AZIN2: variants seen among roughly 807,000 people sequenced by gnomAD.
AZIN2 encodes the protein antizyme inhibitor 2.
A neutral mutation model predicts 47.8 loss-of-function variants in AZIN2; 28 were observed. That is an observed-to-expected ratio of 0.59 (90% confidence interval 0.43 to 0.80). AZIN2 has a LOEUF of 0.80. AZIN2 is among the 30% of genes least tolerant of loss of function. The pLI is 0.00. For missense variants in AZIN2, 535 were observed against 582.5 expected, an observed-to-expected ratio of 0.92 and a Z score of 0.84; for synonymous variants, 221 against 239.4, an observed-to-expected ratio of 0.92 and a Z score of 0.71.
chr1:33,103,395 G>A (rs748493462), intron 10 of AZIN2, among the ~76,000 whole-genome samples: 4 of 151,824 alleles, frequency 2.6e-5, no homozygotes, highest in Non-Finnish European at 5.9e-5. Context: ...CTGCTCTCAG[G>A]GCCTTTGCAT....
chr1:33,116,749 G>C (rs183876409), intron 10 of AZIN2, among the ~76,000 whole-genome samples: 141 of 152,306 alleles, frequency 9.3e-4, no homozygotes, highest in African/African-American at 3.1e-3. Context: ...TTTAGGAAAG[G>C]CTTCCCTGAA....
rs1396089151 is a variant in AZIN2, at chr1:33,113,005, G to A, written c.1030-4897G>A. Among the ~76,000 whole-genome samples, 3 of 151,962 alleles carry A rather than the reference G, an allele frequency of 2.0e-5. No individual in the cohort carries two copies. Among genetic ancestry groups the A allele is most frequent in the South Asian group, 4.1e-4 (2 of 4,820 alleles). On this transcript the variant is annotated intron_variant, in intron 10 of 11. Transcript: ENST00000294517. This position sits in a 1 kb window ranked among gnomAD's most constrained non-coding sequence, Gnocchi z 4.1. The stretch of plus-strand genomic sequence containing the variant: ...TTTATTTTTTTTGAGACGGCGTCTC[G>A]CTCTGTTGCCCAGGCTGGAGTGCAG...
intron 6 of AZIN2, among the ~76,000 whole-genome samples, chr1:33,092,719 A>C (rs7355131): frequency 0.027 from 4,035 of 152,106 alleles, 189 homozygotes; most frequent in African/African-American, 0.092. Context: ...AGTGTGGCTG[A>C]CGCATGCTAT....
Position 33,104,848 on chromosome 1 carries a change from G to A in AZIN2, c.1029+6669G>A, listed in dbSNP as rs145323068. 1.9e-3 allele frequency among the ~76,000 whole-genome samples: 295 copies of A among 152,252 alleles called. 1 individual carries two copies. The highest frequency in any genetic ancestry group is 6.6e-4 in the Non-Finnish European group (45 of 68,016). ...TGAATAGCTCGGACTACAGGCACATGCCACTATGCCTGGCTAATTTTTGTA... is the reference window on the plus strand; with the variant it reads ...TGAATAGCTCGGACTACAGGCACATACCACTATGCCTGGCTAATTTTTGTA... On this transcript the variant is annotated intron_variant, in intron 10 of 11. Transcript: ENST00000294517.
rs72656218 is a variant in AZIN2 at position 33,121,359 on chromosome 1, T to C, written c.*1177T>C. The stretch of plus-strand genomic sequence containing the variant: ...CAGGTGATCACCTGAGGTCAGGAGT[T>C]CGAGACCAGCCTGGCCAACATGGCA... On this transcript the variant is annotated 3_prime_UTR_variant, in exon 12 of 12. Coordinates refer to ENST00000294517, the MANE Select transcript of AZIN2 (RefSeq NM_052998.4). Among the ~76,000 whole-genome samples, 31,404 of 152,142 alleles carry C rather than the reference T, an allele frequency of 0.21. 3,976 individuals carry two copies. The highest frequency in any genetic ancestry group is 0.31 in the South Asian group (1,494 of 4,816).
intron 10 of AZIN2, among the ~76,000 whole-genome samples, chr1:33,100,035 T>A (rs1643546074): frequency 6.6e-6 from 1 of 152,008 alleles, no homozygotes; most frequent in Admixed American, 6.6e-5. Flanking sequence ...TAAAAAGTTG[T>A]ATGAGGCCAG....
chr1:33,114,150 C>T (rs1178236268), intron 10 of AZIN2, among the ~76,000 whole-genome samples: 3 of 148,950 alleles, frequency 2.0e-5, no homozygotes, highest in Non-Finnish European at 3.0e-5. Flanking sequence ...GAGATGGAGT[C>T]CTGCTCTGTC....
At chr1:33,151,072 T>C in the AZIN2 span, among the ~76,000 whole-genome samples, 2 of 152,022 alleles carry the variant, frequency 1.3e-5, no homozygotes, top group Non-Finnish European at 2.9e-5. Flanking sequence ...GTAGCTTATG[T>C]AGGACAATGT....
intron 10 of AZIN2, among the ~76,000 whole-genome samples, chr1:33,101,645 C>G (rs764937405): frequency 6.6e-6 from 1 of 152,106 alleles, no homozygotes; most frequent in Admixed American, 6.5e-5. Flanking sequence ...ACATTGCCTT[C>G]CATGCAAAGT....
the AZIN2 span, among the ~76,000 whole-genome samples, chr1:33,157,223 C>G: frequency 6.6e-6 from 1 of 152,188 alleles, no homozygotes; most frequent in Non-Finnish European, 1.5e-5. Context: ...TTCACCTTGA[C>G]CCTCCTTCTC....
At chr1:33,087,448 T>A (rs1431148046) in intron 5 of AZIN2, among the ~76,000 whole-genome samples, 3 of 148,910 alleles carry the variant, frequency 2.0e-5, no homozygotes, top group Admixed American at 6.7e-5. Flanking sequence ...TATATATATT[T>A]TTTTTTGAGA....
chr1:33,141,168 CT>C, the AZIN2 span, among the ~76,000 whole-genome samples: 1 of 152,022 alleles, frequency 6.6e-6, no homozygotes, highest in Non-Finnish European at 1.5e-5. Context: ...CTTTTGCCCC[CT>C]CCTTCTCCTC....
At chr1:33,082,015 G>C (rs1641317802) in intron 3 of AZIN2, 163 bp from the exon 4 acceptor site, 3 of 547,824 alleles carry the variant, frequency 5.5e-6, no homozygotes, top group Non-Finnish European at 9.9e-6. Flanking sequence ...CCTTGTCTCC[G>C]TCTGAAATCC....
In AZIN2 at chr1:33,121,051, G is replaced by A. The variant is rs1279490154; in HGVS notation, c.*869G>A. 2.6e-5 allele frequency among the ~76,000 whole-genome samples: 4 copies of A among 152,078 alleles called. No homozygotes were observed. The highest frequency in any genetic ancestry group is 1.3e-4 in the Admixed American group (2 of 15,268). On this transcript the variant is annotated 3_prime_UTR_variant, in exon 12 of 12. Transcript: ENST00000294517. ...ACGGAGTATTGCTGTGTCCAGTGCC[G>A]ACAGCCCTGGCATCCCCTGAGACTG...
At chr1:33,126,881 A>T (rs967579669), downstream of AZIN2, among the ~76,000 whole-genome samples, 9 of 152,184 alleles carry the variant, frequency 5.9e-5, no homozygotes, top group African/African-American at 2.2e-4. Context: ...CTAAAGCATT[A>T]CTCGTCGTTT....
intron 5 of AZIN2, among the ~76,000 whole-genome samples, chr1:33,087,994 T>C (rs934228059): frequency 1.3e-5 from 2 of 152,128 alleles, no homozygotes; most frequent in Non-Finnish European, 2.9e-5. Context: ...CCTCTGCAGG[T>C]CCCGGGTACC....
At chr1:33,150,724 G>A in the AZIN2 span, among the ~76,000 whole-genome samples, 2 of 152,188 alleles carry the variant, frequency 1.3e-5, no homozygotes, top group African/African-American at 4.8e-5. Context: ...CCCACAGTGG[G>A]GTCGGGAGGT....
chr1:33,165,357 G>T, the AZIN2 span: 2 of 1,003,944 alleles, frequency 2.0e-6, no homozygotes, highest in Non-Finnish European at 2.9e-6. The surrounding 1 kb of genome is among the most constrained non-coding windows in gnomAD (Gnocchi z 4.0). Context: ...GCTCCTTGAA[G>T]CCAGGTTTCC....
chr1:33,147,273 C>T, the AZIN2 span: 10 of 1,614,176 alleles, frequency 6.2e-6, no homozygotes, highest in Non-Finnish European at 8.5e-6. The surrounding 1 kb of genome is among the most constrained non-coding windows in gnomAD (Gnocchi z 8.1). Context: ...TGCCAGGGAA[C>T]TTCTCGCGGA....
Sources: gnomAD v4.1 joint callset for allele counts (sites outside exome capture counted in the v4.1 genomes callset) on GRCh38, gnomAD v4.1.1 for gene constraint, Gnocchi (gnomAD v3.1) non-coding constraint, MANE v1.5 for transcripts, NCBI Gene and HGNC (gene_info 2026-07-23, HGNC 2026-07-21) for gene names.